The following RPS6KB2 variants were observed in gnomAD, a reference collection of about 807,000 sequenced individuals.
RPS6KB2 encodes the protein ribosomal protein S6 kinase beta-2.
In RPS6KB2, 51 loss-of-function variants were observed where a neutral mutation model predicts 58.2. That is an observed-to-expected ratio of 0.88 (90% CI 0.70 to 1.11). The LOEUF is 1.11. RPS6KB2 is among the 50% of genes least tolerant of loss of function. The pLI is 0.00. For missense variants in RPS6KB2, 671 were observed against 655.8 expected (o/e 1.02, Z -0.25); for synonymous variants, 293 against 258.6 (o/e 1.13, Z -1.28).
At chr11:67,431,556 G>A (rs570128593) in intron 5 of RPS6KB2, 41 bp downstream of exon 5, 32 of 1,599,180 alleles carry the variant, frequency 2.0e-5, no homozygotes, top group Non-Finnish European at 2.7e-5. Context: ...GGGGTCGCGG[G>A]GGGGCAGCGA....
At chr11:67,433,551 G>T in intron 10 of RPS6KB2, 104 bp downstream of exon 10, 1 of 870,704 alleles carries the variant, frequency 1.1e-6, no homozygotes, top group Non-Finnish European at 1.9e-6. Flanking sequence ...GGCCTGTGCA[G>T]TTTGCCTCTG....
chr11:67,431,300 G>T lies in RPS6KB2; in HGVS notation c.310-68G>T, dbSNP rs1590972347. On this transcript the variant is annotated intron_variant, in intron 4 of 14. Coordinates refer to ENST00000312629, the MANE Select transcript of RPS6KB2 (RefSeq NM_003952.3). ...CTGCCTTGGCCTCCTAGAGTGCTGG[G>T]ATTACAGGTGTGAGCCACTGTGCCC... 65 of 1,521,010 alleles carry T rather than the reference G, an allele frequency of 4.3e-5. No individual in the cohort carries two copies. The South Asian group carries it at 6.9e-4, about 16-fold the overall frequency. The allele number at this position is 1,521,010 out of a possible 1,614,324, so 94.2% of individuals were successfully genotyped here. A position where few individuals can be genotyped will look rare whatever the true frequency, so the allele number is the denominator to read the frequency against.
chr11:67,429,645 A>C, intron 4 of RPS6KB2, 50 bp downstream of exon 4: 2 of 1,413,694 alleles, frequency 1.4e-6, no homozygotes, highest in Non-Finnish European at 2.0e-6. Flanking sequence ...CATTCCCAAC[A>C]TGCTGTACCA....
rs371855268 is a variant in RPS6KB2, at chr11:67,434,492, C to T, written c.1155+8C>T. 16 of 1,607,162 alleles carry T rather than the reference C, an allele frequency of 1.0e-5. No individual in the cohort carries two copies. Among genetic ancestry groups the T allele is most frequent in the African/African-American group, 2.7e-5 (2 of 74,840 alleles). On this transcript the variant is annotated splice_region_variant and intron_variant, in intron 13 of 14. Transcript: ENST00000312629. The stretch of plus-strand genomic sequence containing the variant: ...GCCAACCAGGCCTTCCTGGTGAGTG[C>T]GGGGGCCTGAGGCCTGTGGGACCAG...
At chr11:67,433,886 A>G in intron 10 of RPS6KB2, 109 bp from the exon 11 acceptor site, 1 of 1,261,090 alleles carries the variant, frequency 7.9e-7, no homozygotes, top group Non-Finnish European at 1.1e-6. Context: ...AGCCACACCC[A>G]AAAGCATTCT....
rs759855026 is a variant in RPS6KB2, at chr11:67,432,680, C to T, written c.515+23C>T. On this transcript the variant is annotated intron_variant, in intron 6 of 14. Transcript: ENST00000312629. Reference sequence around the variant, plus strand: ...CTGGTGGGTGTTAATCCTCCGCTTTCCTGAGGCTGCCAGGTCCCTGCTCTA... The same window carrying T: ...CTGGTGGGTGTTAATCCTCCGCTTTTCTGAGGCTGCCAGGTCCCTGCTCTA... 8 of 1,613,982 alleles carry T rather than the reference C, an allele frequency of 5.0e-6. No homozygotes were observed. In the Admixed American group the frequency reaches 5.0e-5, roughly 10 times the overall value.
At position 67,431,526 on chromosome 11, in the gene RPS6KB2, G is replaced by C; in HGVS notation, c.457+11G>C. 1 of 1,612,990 alleles carries C rather than the reference G, an allele frequency of 6.2e-7. No homozygotes were observed. The highest frequency in any genetic ancestry group is 1.1e-5 in the South Asian group (1 of 91,024). Reference sequence around the variant, plus strand: ...TTGAGTGCCTCAGTGGTATGAGTGCGGGCCCAGGCAGGGGTGCTGGGGGTC... The same window carrying C: ...TTGAGTGCCTCAGTGGTATGAGTGCCGGCCCAGGCAGGGGTGCTGGGGGTC... On this transcript the variant is annotated intron_variant, in intron 5 of 14. Coordinates refer to ENST00000312629, the MANE Select transcript of RPS6KB2 (RefSeq NM_003952.3).
At chr11:67,433,642 C>G (rs1590976597) in intron 10 of RPS6KB2, among the ~76,000 whole-genome samples, 195 bp downstream of exon 10, 1 of 152,168 alleles carries the variant, frequency 6.6e-6, no homozygotes, top group East Asian at 1.9e-4. Flanking sequence ...CTGCCCTGGC[C>G]CAGTCCTTAG....
chr11:67,433,158 AC>A lies in RPS6KB2; in HGVS notation c.742del (p.Arg248GlyfsTer11). 6.2e-7 allele frequency: 1 copy of A among 1,605,012 alleles called. No individual in the cohort carries two copies. The highest frequency in any genetic ancestry group is 8.5e-7 in the Non-Finnish European group (1 of 1,177,086). ...APEILVRSGH[N>X]RAVDWWSLGA... ...GAGATTCTGGTGCGCAGTGGCCACA[AC>A]CGGGCTGTGGACTGGTGGAGCCTGG... On this transcript the variant is annotated frameshift_variant, in exon 9 of 15. Transcript: ENST00000312629. LOFTEE classifies it high-confidence loss of function.
At position 67,433,097 on chromosome 11, in the gene RPS6KB2, CCTGA is replaced by C. The variant is rs779910154; in HGVS notation, c.708-23_708-20del. ...GGGAGGACAGCCCGAAGGGGCACGG[CCTGA>C]CTGACAGTTCCACCTGGACCCCAGG... On this transcript the variant is annotated intron_variant, in intron 8 of 14. Coordinates refer to ENST00000312629, the MANE Select transcript of RPS6KB2 (RefSeq NM_003952.3). 1.0e-3 allele frequency: 1,674 copies of C among 1,609,582 alleles called. 2 individuals are homozygous for C. Among genetic ancestry groups the C allele is most frequent in the Non-Finnish European group, 1.3e-3 (1,550 of 1,178,356 alleles).
chr11:67,428,912 G>A (rs1863931102), intron 1 of RPS6KB2, 70 bp from the exon 2 acceptor site: 2 of 1,588,922 alleles, frequency 1.3e-6, no homozygotes, highest in South Asian at 1.1e-5. Flanking sequence ...GGGCCACGCA[G>A]TCCAACCTGA....
At chr11:67,429,452 C>T in intron 3 of RPS6KB2, 75 bp from the exon 4 acceptor site, 1 of 1,480,928 alleles carries the variant, frequency 6.8e-7, no homozygotes, top group Non-Finnish European at 9.3e-7. Flanking sequence ...GATCCCAAAG[C>T]CAGAGCTTCA....
At chr11:67,433,902 A>T in intron 10 of RPS6KB2, 93 bp from the exon 11 acceptor site, 4 of 1,405,906 alleles carry the variant, frequency 2.8e-6, no homozygotes, top group Non-Finnish European at 4.0e-6. Context: ...ATTCTCTCCC[A>T]TGTCACCTGA....
chr11:67,434,969 TG>T lies in RPS6KB2; in HGVS notation c.1269-19del. On this transcript the variant is annotated intron_variant, in intron 14 of 14. Transcript: ENST00000312629. Reference sequence around the variant, plus strand: ...GGCAGGGCCTAGGAGGCTCTTATTCTGCCTTGGTTTCCCCTGCAGCCCCCTC... The same window carrying T: ...GGCAGGGCCTAGGAGGCTCTTATTCTCCTTGGTTTCCCCTGCAGCCCCCTC... The T allele has an allele frequency of 1.2e-6, 2 of 1,611,298 alleles. No homozygotes were observed. Among genetic ancestry groups the T allele is most frequent in the Non-Finnish European group, 1.7e-6 (2 of 1,178,060 alleles).
chr11:67,431,617 G>A, intron 5 of RPS6KB2, 102 bp downstream of exon 5: 1 of 1,239,972 alleles, frequency 8.1e-7, no homozygotes, highest in African/African-American at 1.5e-5. Context: ...AGTCTGTGGG[G>A]GTTGGCTAGG....
In RPS6KB2 at chr11:67,434,233, C is replaced by A. The variant is rs769093150; in HGVS notation, c.1005C>A (p.Asp335Glu). The change falls in exon 12 of 15, where the codon GAC (aspartate) becomes GAA (glutamate). Residue 335 changes from aspartate to glutamate, a missense_variant. Asp to Glu is a conservative substitution (Grantham distance 45). Transcript: ENST00000312629. ...TTTTCCGGCACATGAATTGGGACGA[C>A]CTTCTGGCCTGGCGTGTGGACCCCC... The part of the protein sequence containing the change: ...HPFFRHMNWD[D>E]LLAWRVDPPF... 1 of 1,613,954 alleles carries A rather than the reference C, an allele frequency of 6.2e-7. No homozygotes were observed. Among genetic ancestry groups the A allele is most frequent in the Non-Finnish European group, 8.5e-7 (1 of 1,180,022 alleles).
chr11:67,429,181 C>G lies in RPS6KB2; in HGVS notation c.181C>G (p.Arg61Gly), dbSNP rs768381085. ...GACCAGCGTGAACGTTGGCCCAGAG[C>G]GCATCGGGCCCCACTGCTTTGAGCT... ...TETSVNVGPE[R>G]IGPHCFELLR... is the part of the protein sequence containing the mutation. Residue 61 changes from arginine to glycine, a missense_variant, in exon 3 of 15, where the codon CGC becomes GGC. Arg to Gly is a moderately radical substitution (Grantham distance 125). Coordinates refer to ENST00000312629, the MANE Select transcript of RPS6KB2 (RefSeq NM_003952.3). The G allele has an allele frequency of 1.9e-6, 3 of 1,613,680 alleles. No homozygotes were observed. In the African/African-American group the frequency reaches 4.0e-5, roughly 22 times the overall value.
chr11:67,431,860 C>T (rs970628799), intron 5 of RPS6KB2: 2 of 299,556 alleles, frequency 6.7e-6, no homozygotes, highest in African/African-American at 4.4e-5. Flanking sequence ...GTCCCCAGCC[C>T]AACTGGTTCA....
Position 67,429,376 on chromosome 11 carries a change from G to A in RPS6KB2, c.240+136G>A, listed in dbSNP as rs922212226. ...GAGCCAGAAACATAAAGGAGGGAAGGCCAAATCCTCTCCAATCGGACTTGA... is the reference window on the plus strand; with the variant it reads ...GAGCCAGAAACATAAAGGAGGGAAGACCAAATCCTCTCCAATCGGACTTGA... On this transcript the variant is annotated intron_variant, in intron 3 of 14. Coordinates refer to ENST00000312629, the MANE Select transcript of RPS6KB2 (RefSeq NM_003952.3). 4.1e-5 allele frequency: 58 copies of A among 1,398,236 alleles called. 1 individual carries two copies. Among genetic ancestry groups the A allele is most frequent in the Non-Finnish European group, 4.9e-5 (50 of 1,010,884 alleles). 86.6% of individuals were successfully genotyped at this position (1,398,236 alleles called of 1,614,324 possible). A position where few individuals can be genotyped will look rare whatever the true frequency, so the allele number is the denominator to read the frequency against.
Sources: allele counts gnomAD v4.1 joint callset (sites outside exome capture counted in the v4.1 genomes callset), GRCh38; gene constraint gnomAD v4.1.1; transcripts MANE v1.5; gene names NCBI Gene and HGNC (gene_info 2026-07-23, HGNC 2026-07-21).